The following DMXL2 variants were observed in gnomAD, a reference collection of about 807,000 sequenced individuals.
DMXL2 encodes the protein dmX-like protein 2.
Under a neutral mutation model 331.1 loss-of-function variants are expected in DMXL2, and 103 were observed. That is an observed-to-expected ratio of 0.31 (90% CI 0.27 to 0.37). DMXL2 has a LOEUF of 0.37. Among genes scored for constraint, DMXL2 ranks in the 10% least tolerant of loss-of-function variants. The pLI is 1.00. For synonymous variants in DMXL2, 1,281 were observed against 1,252.1 expected, an observed-to-expected ratio of 1.02 and a Z score of -0.49; for missense variants, 3,171 against 3,642.9, an observed-to-expected ratio of 0.87 and a Z score of 3.33.
chr15:51,534,330 G>A (rs2048166410), intron 13 of DMXL2, among the ~76,000 whole-genome samples: 1 of 152,186 alleles, frequency 6.6e-6, no homozygotes, highest in Admixed American at 6.6e-5. Flanking sequence ...GATTTGGCCT[G>A]AGGTAGTAAG....
chr15:51,465,794 C>A (rs2040518350), intron 30 of DMXL2, 143 bp from the exon 31 acceptor site: 1 of 623,324 alleles, frequency 1.6e-6, no homozygotes. Flanking sequence ...AAAAATGGCA[C>A]CTCTGTGGTC....
chr15:51,514,518 GTCT>G lies in DMXL2; in HGVS notation c.2565_2567del (p.Glu855del), dbSNP rs2046924235. ...TATGTGGTTTATATCCTATAATGAA[GTCT>G]TCTTGAAACACATGAAGCAACTGTG... On this transcript the variant is annotated inframe_deletion, in exon 15 of 44. Coordinates refer to ENST00000560891, the MANE Select transcript of DMXL2 (RefSeq NM_001378457.1). 6.3e-7 allele frequency: 1 copy of G among 1,594,516 alleles called. No individual in the cohort carries two copies. The highest frequency in any genetic ancestry group is 1.4e-5 in the African/African-American group (1 of 73,386).
chr15:51,586,486 C>T (rs1312779946), intron 1 of DMXL2, among the ~76,000 whole-genome samples: 2 of 151,924 alleles, frequency 1.3e-5, no homozygotes, highest in Non-Finnish European at 2.9e-5. Context: ...AAATTTCTTC[C>T]TAACTACTCC....
At position 51,481,487 on chromosome 15, in the gene DMXL2, A is replaced by C; in HGVS notation, c.5619T>G (p.Phe1873Leu). 2 of 1,613,484 alleles carry C rather than the reference A, an allele frequency of 1.2e-6. No individual in the cohort carries two copies. The highest frequency in any genetic ancestry group is 1.3e-5 in the African/African-American group (1 of 74,974). Residue 1873 changes from phenylalanine to leucine, a missense_variant, in exon 24 of 44, where the codon TTT (phenylalanine) becomes TTG (leucine). Physicochemically the swap from Phe to Leu is conservative, Grantham distance 22 (BLOSUM62 0). Transcript: ENST00000560891. ...TTTCTATGAGGTTAATTTTATCAAC[A>C]AAGTTCTTCTCAGTTTTGAGACCTA... ...ATLGLKTEKN[F>L]VDKINLIERK...
intron 2 of DMXL2, 49 bp from the exon 3 acceptor site, chr15:51,568,607 A>G: frequency 1.7e-6 from 2 of 1,193,130 alleles, no homozygotes; most frequent in Non-Finnish European, 2.4e-6. Flanking sequence ...GGTAAAATAA[A>G]GATATCTTCC....
chr15:51,473,412 A>C (rs2041297924), intron 28 of DMXL2, among the ~76,000 whole-genome samples: 1 of 152,228 alleles, frequency 6.6e-6, no homozygotes, highest in African/African-American at 2.4e-5. Flanking sequence ...AGAAATAAAC[A>C]ATTTTGGAGA....
chr15:51,529,238 A>G (rs886741139), intron 13 of DMXL2, among the ~76,000 whole-genome samples: 2 of 152,146 alleles, frequency 1.3e-5, no homozygotes, highest in Non-Finnish European at 2.9e-5. Flanking sequence ...CAAAATTGGT[A>G]AAGGAAAAGA....
At chr15:51,484,494 A>G (rs2042246983) in intron 23 of DMXL2, among the ~76,000 whole-genome samples, 1 of 152,200 alleles carries the variant, frequency 6.6e-6, no homozygotes, top group Admixed American at 6.5e-5. Context: ...TGGAGACTAC[A>G]CTACTGTATC....
intron 27 of DMXL2, among the ~76,000 whole-genome samples, chr15:51,476,224 C>T (rs958132445): frequency 5.8e-4 from 88 of 152,208 alleles, no homozygotes; most frequent in South Asian, 8.3e-4. Context: ...TAAATTTACA[C>T]GCCCGAGAAC....
In DMXL2 at chr15:51,481,559, C is replaced by G. The variant is rs1461153292; in HGVS notation, c.5547G>C (p.Leu1849Phe). Residue 1849 changes from leucine (L) to phenylalanine (F), a missense_variant, in exon 24 of 44, where the codon TTG becomes TTC. Physicochemically the swap from Leu to Phe is conservative, Grantham distance 22. Coordinates refer to ENST00000560891, the MANE Select transcript of DMXL2 (RefSeq NM_001378457.1). ...GGGAGGCAAGATTTCTTCGAATGAGCAAAGGATGAGTTCGAAGGTAGTTAT... is the reference window on the plus strand; with the variant it reads ...GGGAGGCAAGATTTCTTCGAATGAGGAAAGGATGAGTTCGAAGGTAGTTAT... ...SFYNYLRTHP[L>F]LIRRNLASPE... 6.2e-7 allele frequency: 1 copy of G among 1,608,928 alleles called. No individual in the cohort carries two copies. Among genetic ancestry groups the G allele is most frequent in the African/African-American group, 1.3e-5 (1 of 74,418 alleles).
intron 1 of DMXL2, among the ~76,000 whole-genome samples, chr15:51,608,499 G>A (rs1200636675): frequency 6.6e-6 from 1 of 152,138 alleles, no homozygotes; most frequent in African/African-American, 2.4e-5. Context: ...GGCAGAAACA[G>A]AAAACCAAAT....
intron 13 of DMXL2, among the ~76,000 whole-genome samples, chr15:51,527,717 G>A (rs2140803662): frequency 6.8e-6 from 1 of 147,330 alleles, no homozygotes; most frequent in African/African-American, 2.5e-5. Flanking sequence ...GCGAGATTCT[G>A]CCTCCAAAAA....
At chr15:51,494,661 T>C (rs1416256648) in intron 19 of DMXL2, among the ~76,000 whole-genome samples, 1 of 152,084 alleles carries the variant, frequency 6.6e-6, no homozygotes, top group Non-Finnish European at 1.5e-5. Context: ...TTAAAGTAAA[T>C]ATAAAAACAC....
intron 33 of DMXL2, among the ~76,000 whole-genome samples, chr15:51,462,118 T>A (rs1247003972): frequency 1.3e-5 from 2 of 152,154 alleles, no homozygotes; most frequent in South Asian, 4.2e-4. Context: ...AGAAAACAAA[T>A]GACTGTTCAT....
At chr15:51,616,984 T>G (rs1443441955) in intron 1 of DMXL2, among the ~76,000 whole-genome samples, 1 of 146,020 alleles carries the variant, frequency 6.8e-6, no homozygotes, top group Non-Finnish European at 1.5e-5. Flanking sequence ...GAAGTCTGAC[T>G]AAATCTGAAT....
At chr15:51,622,310 G>A (rs912957642) in intron 1 of DMXL2, 149 bp downstream of exon 1, 1 of 1,007,422 alleles carries the variant, frequency 9.9e-7, no homozygotes, top group African/African-American at 1.6e-5. Context: ...GTCCCAGGGG[G>A]AACTAAACCC....
intron 15 of DMXL2, among the ~76,000 whole-genome samples, chr15:51,507,769 A>T (rs2140558645): frequency 6.6e-6 from 1 of 152,048 alleles, no homozygotes; most frequent in Admixed American, 6.6e-5. Flanking sequence ...AAGAAATAAT[A>T]AAATAAACAT....
rs544164876 is a variant in DMXL2, at chr15:51,587,564, A to G, written c.88-11383T>C. Among the ~76,000 whole-genome samples the G allele has an allele frequency of 2.3e-4, 35 of 152,228 alleles. No individual in the cohort carries two copies. The East Asian group carries it at 6.2e-3, about 27-fold the overall frequency. On this transcript the variant is annotated intron_variant, in intron 1 of 43. Transcript: ENST00000560891. ...GTGCCACATTTTCTTAATCCAGTCT[A>G]TCATTGTTGGATATTTGGGTTGGTT...
intron 17 of DMXL2, 66 bp downstream of exon 17, chr15:51,502,740 T>C (rs1220220282): frequency 2.0e-6 from 2 of 1,008,110 alleles, no homozygotes; most frequent in South Asian, 1.4e-5. Context: ...ATCTATTTTA[T>C]CCACTAAAGA....
Sources: allele counts gnomAD v4.1 joint callset (sites outside exome capture counted in the v4.1 genomes callset), GRCh38; gene constraint gnomAD v4.1.1; transcripts MANE v1.5; gene names NCBI Gene and HGNC (gene_info 2026-07-23, HGNC 2026-07-21).